The following CRTAM variants were observed in gnomAD, a reference collection of about 807,000 sequenced individuals.
CRTAM encodes cytotoxic and regulatory T-cell molecule.
CRTAM carries 44 observed loss-of-function variants against 50.0 expected under a neutral mutation model. The observed-to-expected ratio is 0.88, with a 90% confidence interval of 0.69 to 1.13. The LOEUF is 1.13. Ranked by LOEUF, CRTAM falls within the 50% of genes most tolerant of loss-of-function variation. The pLI is 0.00. For missense variants in CRTAM, 448 were observed against 457.5 expected, an observed-to-expected ratio of 0.98 and a Z score of 0.19; for synonymous variants, 159 against 169.3, an observed-to-expected ratio of 0.94 and a Z score of 0.47.
Position 122,855,840 on chromosome 11 carries a change from C to A in CRTAM, c.636C>A (p.Phe212Leu). ...AAGGGAGAAAACTAGTAGCACCCTT[C>A]CGGTTTGAAGATTTGGGTAAGAAGA... The part of the protein sequence containing the change: ...GLQGRKLVAP[F>L]RFEDLVTDEE... The change falls in exon 5 of 10, where the codon TTC (phenylalanine) becomes TTA (leucine). Residue 212 changes from phenylalanine to leucine, a missense_variant. Physicochemically the swap from Phe to Leu is conservative, Grantham distance 22. Coordinates refer to ENST00000227348, the MANE Select transcript of CRTAM (RefSeq NM_019604.4). 6.2e-7 allele frequency: 1 copy of A among 1,612,542 alleles called. No individual in the cohort carries two copies. Among genetic ancestry groups the A allele is most frequent in the Non-Finnish European group, 8.5e-7 (1 of 1,179,476 alleles).
At chr11:122,853,401 A>G (rs1861960892) in intron 3 of CRTAM, among the ~76,000 whole-genome samples, 1 of 152,006 alleles carries the variant, frequency 6.6e-6, no homozygotes, top group South Asian at 2.1e-4. Context: ...TTGTTGCTAC[A>G]TTGCTTGTTC....
chr11:122,842,799 G>A (rs756814322), intron 1 of CRTAM, among the ~76,000 whole-genome samples: 2 of 152,174 alleles, frequency 1.3e-5, no homozygotes, highest in Non-Finnish European at 2.9e-5. Flanking sequence ...GTGTGCAGTG[G>A]TTGGTGATGA....
At chr11:122,862,857 A>G (rs1008605931) in intron 6 of CRTAM, among the ~76,000 whole-genome samples, 1 of 152,074 alleles carries the variant, frequency 6.6e-6, no homozygotes, top group Non-Finnish European at 1.5e-5. Context: ...GCAGTAAAGG[A>G]CAAAGTTGAA....
At chr11:122,851,074 C>T (rs1158740698) in intron 2 of CRTAM, among the ~76,000 whole-genome samples, 1 of 151,820 alleles carries the variant, frequency 6.6e-6, no homozygotes, top group East Asian at 1.9e-4. Flanking sequence ...ACCAGCCTGG[C>T]CAATATTATG....
chr11:122,853,044 A>G (rs1275011765), intron 3 of CRTAM, among the ~76,000 whole-genome samples: 2 of 151,770 alleles, frequency 1.3e-5, no homozygotes, highest in African/African-American at 4.8e-5. Context: ...AAAAGGACGA[A>G]CATGCCCTTT....
chr11:122,856,453 A>C (rs1010726242), intron 5 of CRTAM, among the ~76,000 whole-genome samples: 3 of 152,256 alleles, frequency 2.0e-5, no homozygotes, highest in Non-Finnish European at 4.4e-5. Flanking sequence ...AAGTCCAAGA[A>C]ATAATTTTAA....
chr11:122,860,771 A>G (rs1405067385), intron 5 of CRTAM, among the ~76,000 whole-genome samples: 1 of 152,088 alleles, frequency 6.6e-6, no homozygotes, highest in African/African-American at 2.4e-5. Flanking sequence ...TGGTGTAATC[A>G]CGGTTCACAG....
Position 122,850,220 on chromosome 11 carries a change from T to C in CRTAM, c.193+6T>C. On this transcript the variant is annotated splice_donor_region_variant and intron_variant, in intron 2 of 9. Transcript: ENST00000227348. ...TTTTTTAAATGAGTATCCTGGTAAG[T>C]GAAAGAAAGAAAGAAAAAATGCCAC... 6.3e-7 allele frequency: 1 copy of C among 1,585,518 alleles called. No homozygotes were observed. Among genetic ancestry groups the C allele is most frequent in the Non-Finnish European group, 8.6e-7 (1 of 1,162,044 alleles).
Position 122,871,376 on chromosome 11 carries a change from C to T in CRTAM, c.1159C>T (p.Gln387Ter). ...QHSKLEEKHI[Q>*]VPESIV The stretch of plus-strand genomic sequence containing the variant: ...TTCAAAATTAGAAGAAAAGCACATC[C>T]AAGTACCAGAGAGTATTGTGTAGTG... The change falls in exon 10 of 10, where the codon CAA becomes TAA. Residue 387 changes from glutamine (Q) to a stop codon, truncating the protein, a stop_gained. Transcript: ENST00000227348. LOFTEE classifies it high-confidence loss of function. 6.2e-7 allele frequency: 1 copy of T among 1,613,574 alleles called. No individual in the cohort carries two copies. Among genetic ancestry groups the T allele is most frequent in the Non-Finnish European group, 8.5e-7 (1 of 1,179,750 alleles).
chr11:122,860,658 A>G (rs1461267081), intron 5 of CRTAM, among the ~76,000 whole-genome samples: 1 of 152,194 alleles, frequency 6.6e-6, no homozygotes, highest in Non-Finnish European at 1.5e-5. Flanking sequence ...GAAGATTTAA[A>G]TCACTATTGA....
Position 122,838,576 on chromosome 11 carries a change from A to C in CRTAM, c.30A>C (p.Ala10=). 2 of 1,614,212 alleles carry C rather than the reference A, an allele frequency of 1.2e-6. No individual in the cohort carries two copies. Among genetic ancestry groups the C allele is most frequent in the Non-Finnish European group, 8.5e-7 (1 of 1,180,016 alleles). The stretch of plus-strand genomic sequence containing the variant: ...GGTGGAGAGTTCTCAGCTTGCTGGC[A>C]TGGTTCCCCTTGCAAGGTAAGGACT... MWWRVLSLL[A]WFPLQEASLT... Residue 10 remains alanine, a synonymous_variant, in exon 1 of 10, where the codon GCA becomes GCC. Coordinates refer to ENST00000227348, the MANE Select transcript of CRTAM (RefSeq NM_019604.4).
chr11:122,864,789 C>A, intron 7 of CRTAM, 70 bp downstream of exon 7: 1 of 1,124,014 alleles, frequency 8.9e-7, no homozygotes, highest in Non-Finnish European at 1.3e-6. Flanking sequence ...AATTCAATGG[C>A]CTTTGTCAGT....
Position 122,860,610 on chromosome 11 carries a change from A to T in CRTAM, c.653-1854A>T, listed in dbSNP as rs1461133717. Reference sequence around the variant, plus strand: ...TAGATAAAACTTGTTTTGTACATAAACATAATTTTCTGAATTCACATAGTA... The same window carrying T: ...TAGATAAAACTTGTTTTGTACATAATCATAATTTTCTGAATTCACATAGTA... On this transcript the variant is annotated intron_variant, in intron 5 of 9. Transcript: ENST00000227348. Among the ~76,000 whole-genome samples the T allele has an allele frequency of 2.0e-5, 3 of 152,194 alleles. No homozygotes were observed. In the East Asian group the frequency reaches 5.8e-4, roughly 29 times the overall value.
At chr11:122,853,903 C>A (rs971154122) in intron 3 of CRTAM, 40 bp from the exon 4 acceptor site, 1 of 1,591,410 alleles carries the variant, frequency 6.3e-7, no homozygotes, top group Non-Finnish European at 8.6e-7. Flanking sequence ...GATATGCAGA[C>A]TCATATCTAA....
rs555508478 is a variant in CRTAM at position 122,842,596 on chromosome 11, A to G, written c.46+4004A>G. 6.6e-5 allele frequency among the ~76,000 whole-genome samples: 10 copies of G among 152,328 alleles called. No homozygotes were observed. The East Asian group carries it at 1.9e-3, about 29-fold the overall frequency. Reference sequence around the variant, plus strand: ...CGCCCGGCCTCAAATTCATGGTTTTAAAATGTAATCCTAGAACCAGATGAT... The same window carrying G: ...CGCCCGGCCTCAAATTCATGGTTTTGAAATGTAATCCTAGAACCAGATGAT... On this transcript the variant is annotated intron_variant, in intron 1 of 9. Coordinates refer to ENST00000227348, the MANE Select transcript of CRTAM (RefSeq NM_019604.4).
At chr11:122,863,161 T>A (rs1234428182) in intron 6 of CRTAM, among the ~76,000 whole-genome samples, 2 of 151,944 alleles carry the variant, frequency 1.3e-5, no homozygotes, top group African/African-American at 4.8e-5. Flanking sequence ...TGATTGTATA[T>A]CTAATTTAAC....
At chr11:122,860,496 A>G (rs1227493393) in intron 5 of CRTAM, among the ~76,000 whole-genome samples, 1 of 152,196 alleles carries the variant, frequency 6.6e-6, no homozygotes, top group Non-Finnish European at 1.5e-5. Context: ...CCCAATTAAA[A>G]CAACATTCAG....
At chr11:122,846,298 C>T (rs1365178992) in intron 1 of CRTAM, among the ~76,000 whole-genome samples, 3 of 152,024 alleles carry the variant, frequency 2.0e-5, no homozygotes, top group Non-Finnish European at 4.4e-5. Flanking sequence ...AGTGGGAAAA[C>T]ATATTATTAT....
chr11:122,858,456 G>A (rs1862032539), intron 5 of CRTAM, among the ~76,000 whole-genome samples: 1 of 151,956 alleles, frequency 6.6e-6, no homozygotes, highest in Non-Finnish European at 1.5e-5. Flanking sequence ...GAATTCCTGA[G>A]CTCAAGCGAT....
Sources: gnomAD v4.1 joint callset for allele counts (sites outside exome capture counted in the v4.1 genomes callset) on GRCh38, gnomAD v4.1.1 for gene constraint, MANE v1.5 for transcripts, NCBI Gene and HGNC (gene_info 2026-07-23, HGNC 2026-07-21) for gene names.